The following ST8SIA4 variants were observed in gnomAD, a reference collection of about 807,000 sequenced individuals.
The protein encoded by ST8SIA4 is CMP-N-acetylneuraminate-poly-alpha-2,8-sialyltransferase.
A neutral mutation model predicts 33.9 loss-of-function variants in ST8SIA4; 15 were observed. The ratio of observed to expected loss-of-function variants is 0.44; its 90% CI spans 0.30 to 0.68. The LOEUF is 0.68. Among genes scored for constraint, ST8SIA4 ranks in the 30% least tolerant of loss-of-function variants. The pLI is 0.10. For synonymous variants in ST8SIA4, 171 were observed against 151.2 expected (o/e 1.13, Z -0.96); for missense variants, 321 against 428.0 (o/e 0.75, Z 2.21).
intron 4 of ST8SIA4, among the ~76,000 whole-genome samples, chr5:100,848,567 AAT>A (rs981251024): frequency 8.7e-5 from 13 of 150,052 alleles, no homozygotes; most frequent in African/African-American, 1.9e-4. Context: ...ATAATATATT[AAT>A]ATATATGTTT....
intron 4 of ST8SIA4, among the ~76,000 whole-genome samples, chr5:100,816,089 T>C (rs1232214491): frequency 6.6e-6 from 1 of 152,212 alleles, no homozygotes; most frequent in Non-Finnish European, 1.5e-5. Context: ...TCTATGGCTT[T>C]GGGGTTTCCT....
intron 4 of ST8SIA4, among the ~76,000 whole-genome samples, chr5:100,835,396 A>G (rs1268033316): frequency 6.6e-6 from 1 of 152,172 alleles, no homozygotes; most frequent in African/African-American, 2.4e-5. Context: ...AATGCATGGG[A>G]AAAACTACTA....
At chr5:100,846,260 TG>T (rs1751568396) in intron 4 of ST8SIA4, among the ~76,000 whole-genome samples, 1 of 152,004 alleles carries the variant, frequency 6.6e-6, no homozygotes, top group Non-Finnish European at 1.5e-5. Flanking sequence ...CTTGGTTCCC[TG>T]CTTGTTTGAA....
chr5:100,897,895 A>G (rs911734742), intron 1 of ST8SIA4, among the ~76,000 whole-genome samples: 2 of 152,208 alleles, frequency 1.3e-5, no homozygotes, highest in Non-Finnish European at 2.9e-5. Context: ...CCCAGAAGTC[A>G]ATTTTTATAT....
At chr5:100,884,846 G>A (rs1752502210) in intron 3 of ST8SIA4, among the ~76,000 whole-genome samples, 2 of 152,110 alleles carry the variant, frequency 1.3e-5, no homozygotes, top group African/African-American at 2.4e-5. Flanking sequence ...TCACAGGTGG[G>A]GCTAAATCTA....
At chr5:100,827,260 C>T (rs1167862179) in intron 4 of ST8SIA4, among the ~76,000 whole-genome samples, 1 of 152,128 alleles carries the variant, frequency 6.6e-6, no homozygotes, top group African/African-American at 2.4e-5. Flanking sequence ...GTTGTGAAAA[C>T]ATCTCTTTTT....
chr5:100,861,492 C>A (rs1751940278), intron 3 of ST8SIA4, among the ~76,000 whole-genome samples: 1 of 152,058 alleles, frequency 6.6e-6, no homozygotes, highest in African/African-American at 2.4e-5. Context: ...AAAATGGAAT[C>A]ATCGGTCAAA....
chr5:100,826,961 T>C (rs201467290), intron 4 of ST8SIA4, among the ~76,000 whole-genome samples: 84,342 of 147,270 alleles, frequency 0.57, 24,802 homozygotes, highest in South Asian at 0.72. Context: ...TGTGTGTATA[T>C]ACACACACAC....
chr5:100,830,775 A>G (rs1751241692), intron 4 of ST8SIA4, among the ~76,000 whole-genome samples: 1 of 152,236 alleles, frequency 6.6e-6, no homozygotes, highest in Non-Finnish European at 1.5e-5. Flanking sequence ...TGTGTGCATA[A>G]ATGTACAAAT....
intron 3 of ST8SIA4, among the ~76,000 whole-genome samples, chr5:100,865,968 A>C (rs1358455976): frequency 6.6e-6 from 1 of 152,156 alleles, no homozygotes; most frequent in Non-Finnish European, 1.5e-5. Context: ...CTGTGAATGA[A>C]ATTTAAAATG....
At chr5:100,859,033 G>T (rs965763090) in intron 3 of ST8SIA4, among the ~76,000 whole-genome samples, 61 of 151,998 alleles carry the variant, frequency 4.0e-4, no homozygotes, top group African/African-American at 1.4e-3. Flanking sequence ...CAACTCTGTG[G>T]TTGAGTCAGA....
intron 4 of ST8SIA4, among the ~76,000 whole-genome samples, chr5:100,822,232 A>G (rs185332161): frequency 1.3e-5 from 2 of 152,192 alleles, no homozygotes; most frequent in Admixed American, 6.5e-5. Context: ...AACCATCGCT[A>G]ATTTTCCTCC....
intron 4 of ST8SIA4, among the ~76,000 whole-genome samples, chr5:100,821,585 G>T (rs762758128): frequency 3.9e-5 from 6 of 152,142 alleles, no homozygotes; most frequent in Non-Finnish European, 8.8e-5. Context: ...CTCCCAGATA[G>T]TTGTGCTAAA....
At chr5:100,887,438 G>A (rs1752563272) in intron 2 of ST8SIA4, among the ~76,000 whole-genome samples, 1 of 152,050 alleles carries the variant, frequency 6.6e-6, no homozygotes, top group Non-Finnish European at 1.5e-5. Flanking sequence ...AGTGGATCAT[G>A]TGAGTTTAAG....
At chr5:100,842,955 C>A (rs1751498800) in intron 4 of ST8SIA4, among the ~76,000 whole-genome samples, 1 of 151,662 alleles carries the variant, frequency 6.6e-6, no homozygotes, top group African/African-American at 2.4e-5. Flanking sequence ...TGTTGAGTAT[C>A]CAAAACAAGG....
chr5:100,842,668 G>T (rs774710155), intron 4 of ST8SIA4, among the ~76,000 whole-genome samples: 2 of 151,622 alleles, frequency 1.3e-5, no homozygotes, highest in African/African-American at 2.4e-5. Flanking sequence ...CCTATAAAAT[G>T]GTTTTTGCAA....
chr5:100,879,950 G>A (rs1752381256), intron 3 of ST8SIA4, among the ~76,000 whole-genome samples: 1 of 152,114 alleles, frequency 6.6e-6, no homozygotes, highest in African/African-American at 2.4e-5. Flanking sequence ...GAGATGATGT[G>A]ACAGCCACTC....
chr5:100,856,556 C>G (rs1389738429), intron 3 of ST8SIA4, among the ~76,000 whole-genome samples, 160 bp from the exon 4 acceptor site: 3 of 152,166 alleles, frequency 2.0e-5, no homozygotes, highest in African/African-American at 7.2e-5. Flanking sequence ...TTCAATAAGT[C>G]TCCGCACGTG....
At chr5:100,838,488 G>A (rs1476188672) in intron 4 of ST8SIA4, among the ~76,000 whole-genome samples, 2 of 151,824 alleles carry the variant, frequency 1.3e-5, no homozygotes, top group East Asian at 3.9e-4. Context: ...TACTTAGACT[G>A]CTAACGAATA....
Sources: gnomAD v4.1 joint callset for allele counts (sites outside exome capture counted in the v4.1 genomes callset) on GRCh38, gnomAD v4.1.1 for gene constraint, MANE v1.5 for transcripts, NCBI Gene and HGNC (gene_info 2026-07-23, HGNC 2026-07-21) for gene names.